Variants in ATP1B4 observed in about 807,000 individuals in gnomAD.
ATP1B4 encodes the protein ATPase Na+/K+ transporting family member beta 4.
Under a neutral mutation model 29.6 loss-of-function variants are expected in ATP1B4, and 32 were observed. The observed-to-expected ratio is 1.08, with a 90% CI of 0.82 to 1.45. The LOEUF is 1.45. ATP1B4 is among the 40% of genes most tolerant of loss of function. ATP1B4 has a pLI of 0.00. For missense variants in ATP1B4, 323 were observed against 276.2 expected, an observed-to-expected ratio of 1.17 and a Z score of -1.20; for synonymous variants, 127 against 102.1, an observed-to-expected ratio of 1.24 and a Z score of -1.47.
At chrX:120,372,445 C>T (rs1461992694) in intron 4 of ATP1B4, among the ~76,000 whole-genome samples, 4 of 111,800 alleles carry the variant, frequency 3.6e-5, no homozygotes, top group East Asian at 5.6e-4. Context: ...AAGTTGATCA[C>T]GCTCATTTTA....
At chrX:120,374,753 ATATATATAT>A (rs2058339008) in intron 4 of ATP1B4, among the ~76,000 whole-genome samples, 1 of 32,018 alleles carries the variant, frequency 3.1e-5, no homozygotes, top group Non-Finnish European at 5.3e-5. Context: ...AAGGGTGTAT[ATATATATAT>A]TATATATATA....
intron 2 of ATP1B4, among the ~76,000 whole-genome samples, chrX:120,368,402 C>T (rs918761495): frequency 8.9e-6 from 1 of 112,222 alleles, no homozygotes; most frequent in Non-Finnish European, 1.9e-5. Flanking sequence ...GGACATCAAC[C>T]TGCCCAATAT....
intron 6 of ATP1B4, among the ~76,000 whole-genome samples, chrX:120,377,427 T>C (rs2058361717): frequency 8.9e-6 from 1 of 112,487 alleles, no homozygotes; most frequent in African/African-American, 3.2e-5. Context: ...TCTGTTCTCA[T>C]GTATATGTGT....
At chrX:120,376,879 G>T (rs2058359199) in intron 6 of ATP1B4, among the ~76,000 whole-genome samples, 1 of 112,600 alleles carries the variant, frequency 8.9e-6, no homozygotes, top group Non-Finnish European at 1.9e-5. Context: ...GCAATGACCA[G>T]TGGTACTGGG....
rs1175163280 is a variant in ATP1B4, at chrX:120,380,110, G to A, written c.*476G>A. 2 of 112,074 alleles carry A rather than the reference G, an allele frequency of 1.8e-5. No individual in the cohort carries two copies. Among genetic ancestry groups the A allele is most frequent in the African/African-American group, 6.6e-5 (2 of 30,451 alleles). The allele number at this position is 112,074 out of a possible 1,213,427, so 9.2% of individuals were successfully genotyped here. Reference sequence around the variant, plus strand: ...CCGGGTGTGGTGGCATGCATCTGTAGTCCCACCTATTCAGGAGATTAAGGC... The same window carrying A: ...CCGGGTGTGGTGGCATGCATCTGTAATCCCACCTATTCAGGAGATTAAGGC... On this transcript the variant is annotated 3_prime_UTR_variant, in exon 8 of 8. Transcript: ENST00000218008.
At position 120,375,483 on chromosome X, in the gene ATP1B4, C is replaced by A. The variant is rs1326680137; in HGVS notation, c.674C>A (p.Ser225Tyr). Residue 225 changes from serine to tyrosine, a missense_variant, in exon 5 of 8, where the codon TCC (serine) becomes TAC (tyrosine). Coordinates refer to ENST00000218008, the MANE Select transcript of ATP1B4 (RefSeq NM_001142447.3). ...AAGAAGGCCTGCCAATTTAAGCGCT[C>A]CTTCCTAAAGAACTGCTCTGGTCTG... ...EDKKACQFKR[S>Y]FLKNCSGLED... 7 of 1,209,063 alleles carry A rather than the reference C, an allele frequency of 5.8e-6. No homozygotes were observed. The highest frequency in any genetic ancestry group is 7.8e-6 in the Non-Finnish European group (7 of 894,868).
chrX:120,363,792 A>T (rs866323522), intron 1 of ATP1B4, among the ~76,000 whole-genome samples: 1 of 112,454 alleles, frequency 8.9e-6, no homozygotes, highest in Non-Finnish European at 1.9e-5. Context: ...ACATGAGGGT[A>T]GTGCCACTTT....
chrX:120,370,716 C>T lies in ATP1B4; in HGVS notation c.330C>T (p.Ser110=), dbSNP rs746362501. The T allele has an allele frequency of 3.9e-5, 47 of 1,209,157 alleles. No individual in the cohort carries two copies. In the South Asian group the frequency reaches 7.8e-4, roughly 20 times the overall value. Residue 110 remains serine, a splice_region_variant and synonymous_variant, in exon 3 of 8, where the codon AGC becomes AGT. Coordinates refer to ENST00000218008, the MANE Select transcript of ATP1B4 (RefSeq NM_001142447.3). ...MFLARTGQSW[S]LILLIYFFFY... ...CTCTCATCTGTGATTGCTCTGCAGG[C>T]CTGATCTTACTCATTTACTTCTTCT...
chrX:120,372,681 A>T (rs1344123213), intron 4 of ATP1B4, among the ~76,000 whole-genome samples: 1 of 112,423 alleles, frequency 8.9e-6, no homozygotes, highest in Non-Finnish European at 1.9e-5. Flanking sequence ...AAAAATCCAC[A>T]GGTGATTTGT....
intron 5 of ATP1B4, 64 bp from the exon 6 acceptor site, chrX:120,376,316 C>T: frequency 2.7e-6 from 3 of 1,098,750 alleles, no homozygotes; most frequent in Non-Finnish European, 3.7e-6. Flanking sequence ...TTAGAAAAGC[C>T]CAATTTTTTA....
chrX:120,371,206 C>G lies in ATP1B4; in HGVS notation c.558C>G (p.Leu186=). Residue 186 remains leucine (L), a synonymous_variant, in exon 4 of 8, where the codon CTC becomes CTG. Coordinates refer to ENST00000218008, the MANE Select transcript of ATP1B4 (RefSeq NM_001142447.3). ...ATGTGATTAGCCTAAATGGCTTTCTCCAGGGTAAGTAAGTTCGTCTGAATA... is the reference window on the plus strand; with the variant it reads ...ATGTGATTAGCCTAAATGGCTTTCTGCAGGGTAAGTAAGTTCGTCTGAATA... ...QHYVISLNGF[L]QGYNDSLQEE... is the part of the protein sequence containing the mutation. The G allele has an allele frequency of 3.3e-6, 4 of 1,195,555 alleles. 1 individual carries two copies. In the South Asian group the frequency reaches 7.1e-5, roughly 21 times the overall value.
rs770231709 is a variant in ATP1B4, at chrX:120,371,134, C to T, written c.486C>T (p.Ser162=). ...PGVMIRPFAH[S]LNFNFNVSEP... is the part of the protein sequence containing the mutation. ...TTATGATCAGACCCTTCGCCCATAG[C>T]CTTAACTTCAACTTCAACGTTTCTG... Residue 162 remains serine, a synonymous_variant, in exon 4 of 8, where the codon AGC becomes AGT. Coordinates refer to ENST00000218008, the MANE Select transcript of ATP1B4 (RefSeq NM_001142447.3). 12 of 1,209,350 alleles carry T rather than the reference C, an allele frequency of 9.9e-6. No homozygotes were observed. The Admixed American group carries it at 1.7e-4, about 18-fold the overall frequency.
rs751944641 is a variant in ATP1B4 at position 120,362,225 on chromosome X, C to T, written c.57C>T (p.Tyr19=). 8.3e-7 allele frequency: 1 copy of T among 1,210,275 alleles called. No homozygotes were observed. The highest frequency in any genetic ancestry group is 1.8e-5 in the South Asian group (1 of 56,939). Residue 19 remains tyrosine (Y), a synonymous_variant, in exon 1 of 8, where the codon TAC becomes TAT. Coordinates refer to ENST00000218008, the MANE Select transcript of ATP1B4 (RefSeq NM_001142447.3). ...CATCCTTTCCTTACAGTTATCGCTA[C>T]AGACTCGTGAGTGCCAGAGAGCAGA... is the stretch of plus-strand genomic sequence containing the variant. The part of the protein sequence containing the change: ...RAPSFPYSYR[Y]RLDDPDEANQ...
rs185716370 is a variant in ATP1B4, at chrX:120,362,904, C to T, written c.63+673C>T. Among the ~76,000 whole-genome samples the T allele has an allele frequency of 6.2e-5, 7 of 112,552 alleles. No individual in the cohort carries two copies. The East Asian group carries it at 1.1e-3, about 18-fold the overall frequency. ...TTGCAGAATGCATCTTCCAAACCCC[C>T]GATCTGCCACTACCCATTGCCATCC... On this transcript the variant is annotated intron_variant, in intron 1 of 7. Transcript: ENST00000218008.
In ATP1B4 at chrX:120,380,453, C is replaced by G. The variant is rs890699734; in HGVS notation, c.*819C>G. 8.9e-6 allele frequency: 1 copy of G among 112,113 alleles called. No individual in the cohort carries two copies. Among genetic ancestry groups the G allele is most frequent in the East Asian group, 2.8e-4 (1 of 3,613 alleles). The allele number at this position is 112,113 out of a possible 1,213,427, so 9.2% of individuals were successfully genotyped here. A position where few individuals can be genotyped will look rare whatever the true frequency, so the allele number is the denominator to read the frequency against. ...ATAGAGATGAAGACCGTCCTTGTGACTTTTTAAAGAGGTGGGGCTCACTGC... is the reference window on the plus strand; with the variant it reads ...ATAGAGATGAAGACCGTCCTTGTGAGTTTTTAAAGAGGTGGGGCTCACTGC... On this transcript the variant is annotated 3_prime_UTR_variant, in exon 8 of 8. Transcript: ENST00000218008.
intron 5 of ATP1B4, among the ~76,000 whole-genome samples, chrX:120,376,058 C>T (rs1200900679): frequency 9.0e-6 from 1 of 111,502 alleles, no homozygotes; most frequent in Non-Finnish European, 1.9e-5. Context: ...TTTCTTCCAT[C>T]CTGTCATGAC....
intron 1 of ATP1B4, among the ~76,000 whole-genome samples, chrX:120,363,357 G>T (rs1390613175): frequency 8.9e-6 from 1 of 112,478 alleles, no homozygotes. Context: ...ATCTGCAGGG[G>T]TATAAAACTA....
At position 120,383,175 on chromosome X, in the gene ATP1B4, T is replaced by A. The variant is rs1293309386; in HGVS notation, c.*3541T>A. 1 of 112,092 alleles carries A rather than the reference T, an allele frequency of 8.9e-6. No individual in the cohort carries two copies. Among genetic ancestry groups the A allele is most frequent in the African/African-American group, 3.2e-5 (1 of 30,869 alleles). The allele number at this position is 112,092 out of a possible 1,213,427, so 9.2% of individuals were successfully genotyped here. ...CACCTATTTTCTGGGGATCAACATG[T>A]AAAAAAACATTTATATTGTCTTGAG... On this transcript the variant is annotated 3_prime_UTR_variant, in exon 8 of 8. Coordinates refer to ENST00000218008, the MANE Select transcript of ATP1B4 (RefSeq NM_001142447.3).
chrX:120,362,997 A>C (rs2058269812), intron 1 of ATP1B4, among the ~76,000 whole-genome samples: 1 of 112,638 alleles, frequency 8.9e-6, no homozygotes, highest in South Asian at 3.6e-4. Flanking sequence ...ATTTATTTCC[A>C]GGGTGTATTA....
Sources: allele counts gnomAD v4.1 joint callset (sites outside exome capture counted in the v4.1 genomes callset), GRCh38; gene constraint gnomAD v4.1.1; transcripts MANE v1.5; gene names NCBI Gene and HGNC (gene_info 2026-07-23, HGNC 2026-07-21).